Variants in RBMS3 observed in about 807,000 individuals in gnomAD.
RBMS3 encodes the protein RNA-binding motif, single-stranded-interacting protein 3.
In RBMS3, 27 loss-of-function variants were observed where a neutral mutation model predicts 66.8. The observed-to-expected ratio is 0.40, with a 90% confidence interval of 0.30 to 0.56. The LOEUF is 0.56. Ranked by LOEUF, RBMS3 falls within the 20% of genes least tolerant of loss-of-function variation. The probability of loss-of-function intolerance (pLI) is 0.40; values close to 1 mark genes in which losing one functional copy is unlikely to be tolerated. For missense variants in RBMS3, 513 were observed against 549.5 expected (o/e 0.93, Z 0.66); for synonymous variants, 188 against 183.0 (o/e 1.03, Z -0.22).
At chr3:29,954,406 A>G (rs76410606) in intron 12 of RBMS3, among the ~76,000 whole-genome samples, 5,362 of 151,996 alleles carry the variant, frequency 0.035, 147 homozygotes, top group East Asian at 0.17. Flanking sequence ...TCTTCTGCAG[A>G]CTTCCCTAGG....
rs116015928 is a variant in RBMS3 at position 30,008,380 on chromosome 3, G to A, written c.*4518G>A. 1 of 151,984 alleles carries A rather than the reference G, an allele frequency of 6.6e-6. No homozygotes were observed. Among genetic ancestry groups the A allele is most frequent in the Non-Finnish European group, 1.5e-5 (1 of 67,954 alleles). 9.4% of individuals were successfully genotyped at this position (151,984 alleles called of 1,614,324 possible). ...TTCACTAATAAATGTTTTTTTATAT[G>A]ATTTGAAATCAAGTAAAGGGACAAT... On this transcript the variant is annotated 3_prime_UTR_variant, in exon 15 of 15. Transcript: ENST00000383767.
At chr3:29,512,062 T>C (rs972928223) in intron 3 of RBMS3, among the ~76,000 whole-genome samples, 1 of 152,114 alleles carries the variant, frequency 6.6e-6, no homozygotes, top group African/African-American at 2.4e-5. Context: ...TTCTGACACA[T>C]TTAGTAAAAG....
intron 4 of RBMS3, among the ~76,000 whole-genome samples, chr3:29,635,005 A>G (rs1350981870): frequency 6.6e-6 from 1 of 151,956 alleles, no homozygotes; most frequent in Non-Finnish European, 1.5e-5. Flanking sequence ...TCTCACTTGT[A>G]TAATTTTCAG....
rs138311479 is a variant in RBMS3, at chr3:29,897,975, T to C, written c.888+500T>C. On this transcript the variant is annotated intron_variant, in intron 9 of 14. Transcript: ENST00000383767. ...TATCAAAGTGGTAAAAAGTTGTTCG[T>C]ATTCCCTGCTCTTATTTCATTCTCA... Among the ~76,000 whole-genome samples the C allele has an allele frequency of 1.7e-3, 259 of 151,802 alleles. 2 individuals are homozygous for C. In the East Asian group the frequency reaches 0.022, roughly 13 times the overall value.
Position 29,461,456 on chromosome 3 carries a change from A to G in RBMS3, c.248+26541A>G, listed in dbSNP as rs967444635. The stretch of plus-strand genomic sequence containing the variant: ...TTCAGACAACAAAAACAAAGTGCCA[A>G]TTTTGGTTTCACACAATTCCAAAAA... On this transcript the variant is annotated intron_variant, in intron 2 of 14. Transcript: ENST00000383767. Among the ~76,000 whole-genome samples, 43 of 152,334 alleles carry G rather than the reference A, an allele frequency of 2.8e-4. 1 individual carries two copies. Among genetic ancestry groups the G allele is most frequent in the African/African-American group, 8.7e-4 (36 of 41,586 alleles).
At chr3:29,618,168 AG>A in intron 4 of RBMS3, among the ~76,000 whole-genome samples, 1 of 152,306 alleles carries the variant, frequency 6.6e-6, no homozygotes, top group South Asian at 2.1e-4. Flanking sequence ...TAAATGTATT[AG>A]CTATTTAGGA....
intron 2 of RBMS3, among the ~76,000 whole-genome samples, chr3:29,453,969 A>G (rs2042094201): frequency 6.6e-6 from 1 of 152,228 alleles, no homozygotes; most frequent in South Asian, 2.1e-4. Flanking sequence ...CCCACAAGAT[A>G]GAGCCACAAC....
chr3:29,748,850 C>T (rs1416475684), intron 5 of RBMS3, among the ~76,000 whole-genome samples: 1 of 152,136 alleles, frequency 6.6e-6, no homozygotes, highest in African/African-American at 2.4e-5. Context: ...TGGTTCTGTC[C>T]CACTCAGGTG....
intron 4 of RBMS3, among the ~76,000 whole-genome samples, chr3:29,644,794 G>A (rs143159590): frequency 1.1e-3 from 170 of 152,222 alleles, no homozygotes; most frequent in African/African-American, 3.8e-3. Context: ...CATTTTTATC[G>A]ATGGTTCCAT....
intron 1 of RBMS3, among the ~76,000 whole-genome samples, chr3:29,380,212 T>TCA (rs10584637): frequency 0.11 from 16,351 of 149,180 alleles, 1,074 homozygotes; most frequent in Admixed American, 0.24. Flanking sequence ...TAGGGGAATC[T>TCA]CACACACACA....
chr3:29,924,652 A>C (rs2060883848), intron 10 of RBMS3: 1 of 152,282 alleles, frequency 6.6e-6, no homozygotes, highest in African/African-American at 2.4e-5. Context: ...CCTGATCAAC[A>C]TGGAAAAACT....
At chr3:29,351,144 G>A (rs936129250) in intron 1 of RBMS3, among the ~76,000 whole-genome samples, 2 of 151,964 alleles carry the variant, frequency 1.3e-5, no homozygotes, top group South Asian at 2.1e-4. Context: ...TAATAGCAAC[G>A]TTGTATTTGC....
At chr3:29,784,151 T>C (rs2056737631) in intron 6 of RBMS3, among the ~76,000 whole-genome samples, 1 of 151,842 alleles carries the variant, frequency 6.6e-6, no homozygotes, top group South Asian at 2.1e-4. Context: ...AGACAGAAAG[T>C]CAACAAAGAA....
chr3:29,459,780 T>C (rs2042313017), intron 2 of RBMS3, among the ~76,000 whole-genome samples: 1 of 152,212 alleles, frequency 6.6e-6, no homozygotes, highest in African/African-American at 2.4e-5. Flanking sequence ...TTCTGTAATA[T>C]AGGCCCTTTG....
intron 6 of RBMS3, among the ~76,000 whole-genome samples, chr3:29,793,136 C>T (rs1207279058): frequency 1.3e-5 from 2 of 151,510 alleles, no homozygotes; most frequent in Non-Finnish European, 2.9e-5. Context: ...GAGGCTGAGG[C>T]AGGAGAATTG....
At chr3:29,925,587 G>A (rs2060916465) in intron 10 of RBMS3, among the ~76,000 whole-genome samples, 1 of 152,094 alleles carries the variant, frequency 6.6e-6, no homozygotes, top group African/African-American at 2.4e-5. Flanking sequence ...TCTCAAGCAA[G>A]AACAAACAAA....
intron 6 of RBMS3, among the ~76,000 whole-genome samples, chr3:29,836,327 C>G (rs1450496336): frequency 6.6e-6 from 1 of 151,978 alleles, no homozygotes; most frequent in Non-Finnish European, 1.5e-5. Flanking sequence ...AATTTCAGGT[C>G]AATATCTCTG....
intron 1 of RBMS3, among the ~76,000 whole-genome samples, chr3:29,338,399 C>T (rs2036078094): frequency 6.6e-6 from 1 of 152,126 alleles, no homozygotes; most frequent in Non-Finnish European, 1.5e-5. Context: ...ACAATATGGT[C>T]TTTGTAAACT....
intron 6 of RBMS3, among the ~76,000 whole-genome samples, chr3:29,774,287 TA>T (rs1348458745): frequency 2.6e-5 from 4 of 151,944 alleles, no homozygotes; most frequent in Admixed American, 6.6e-5. Context: ...GGCTTCTTTA[TA>T]AAAGGGATAC....
Sources: gnomAD v4.1 joint callset for allele counts (sites outside exome capture counted in the v4.1 genomes callset) on GRCh38, gnomAD v4.1.1 for gene constraint, MANE v1.5 for transcripts, NCBI Gene and HGNC (gene_info 2026-07-23, HGNC 2026-07-21) for gene names.